Variants in LUZP2 observed in about 807,000 individuals in gnomAD.
The protein encoded by LUZP2 is leucine zipper protein 2.
Under a neutral mutation model 51.6 loss-of-function variants are expected in LUZP2, and 52 were observed. The observed-to-expected ratio is 1.01, with a 90% confidence interval of 0.81 to 1.27. The LOEUF (loss-of-function observed/expected upper bound fraction) is 1.27, where lower values mean the gene tolerates loss of function less well. Among genes scored for constraint, LUZP2 ranks in the 50% most tolerant of loss-of-function variants. The pLI, the probability that LUZP2 is intolerant of heterozygous loss-of-function variation, is 0.00. For synonymous variants in LUZP2, 154 were observed against 137.3 expected (o/e 1.12, Z -0.85); for missense variants, 436 against 395.4 (o/e 1.10, Z -0.87).
intron 5 of LUZP2, among the ~76,000 whole-genome samples, chr11:24,894,661 G>A (rs548786122): frequency 4.5e-4 from 64 of 143,740 alleles, no homozygotes; most frequent in African/African-American, 7.8e-4. Flanking sequence ...ATGTCTATGA[G>A]TATTCAATGT....
chr11:24,649,717 G>C (rs1344981397), intron 1 of LUZP2, among the ~76,000 whole-genome samples: 1 of 151,722 alleles, frequency 6.6e-6, no homozygotes, highest in African/African-American at 2.4e-5. Flanking sequence ...CCAGGTGGTG[G>C]GACTGCAATT....
intron 7 of LUZP2, among the ~76,000 whole-genome samples, chr11:24,968,724 T>C (rs1315187439): frequency 6.6e-6 from 1 of 152,332 alleles, no homozygotes; most frequent in East Asian, 1.9e-4. Context: ...CTGTCCCGCA[T>C]ATTGTAGCCA....
intron 1 of LUZP2, among the ~76,000 whole-genome samples, chr11:24,678,074 AAGGG>A (rs1256729879): frequency 4.9e-5 from 3 of 61,850 alleles, no homozygotes; most frequent in African/African-American, 2.1e-4. Flanking sequence ...GGAAAGGAGA[AAGGG>A]GGGGGGGGGT....
At chr11:24,879,950 C>T (rs2134289928) in intron 5 of LUZP2, among the ~76,000 whole-genome samples, 1 of 152,304 alleles carries the variant, frequency 6.6e-6, no homozygotes, top group African/African-American at 2.4e-5. Context: ...ACTTTCACAG[C>T]TACCCCAGCT....
chr11:24,878,466 A>G (rs950524912), intron 5 of LUZP2, among the ~76,000 whole-genome samples: 1 of 151,972 alleles, frequency 6.6e-6, no homozygotes, highest in African/African-American at 2.4e-5. Context: ...TGCTGCTTTT[A>G]GGATCCTTTT....
At chr11:24,849,363 G>A (rs998779073) in intron 5 of LUZP2, among the ~76,000 whole-genome samples, 33 of 152,048 alleles carry the variant, frequency 2.2e-4, no homozygotes, top group Non-Finnish European at 1.0e-4. Flanking sequence ...TCTCATTTAT[G>A]AGTGAAAACA....
At chr11:25,076,845 G>A (rs1228761212) in intron 10 of LUZP2, among the ~76,000 whole-genome samples, 2 of 151,312 alleles carry the variant, frequency 1.3e-5, no homozygotes, top group Non-Finnish European at 2.9e-5. Context: ...AAAATGACTG[G>A]GATCTTAGTT....
intron 1 of LUZP2, among the ~76,000 whole-genome samples, chr11:24,522,132 T>C (rs1214395951): frequency 6.6e-6 from 1 of 152,152 alleles, no homozygotes. Context: ...TAAAGTGCTA[T>C]GGTAGAAAGA....
intron 5 of LUZP2, among the ~76,000 whole-genome samples, chr11:24,800,228 C>A (rs1018183241): frequency 6.6e-6 from 1 of 151,986 alleles, no homozygotes; most frequent in African/African-American, 2.4e-5. Context: ...AACGGATAAG[C>A]TTTTTCTCTT....
At chr11:25,015,203 T>A (rs974388309) in intron 9 of LUZP2, among the ~76,000 whole-genome samples, 1 of 152,118 alleles carries the variant, frequency 6.6e-6, no homozygotes, top group African/African-American at 2.4e-5. Context: ...GAAAGAAACA[T>A]TATTATCCTG....
chr11:24,700,317 G>A (rs546403897), intron 1 of LUZP2, among the ~76,000 whole-genome samples: 1 of 152,184 alleles, frequency 6.6e-6, no homozygotes, highest in African/African-American at 2.4e-5. Context: ...ACCTGCCTTA[G>A]CCTCCCAAAG....
At chr11:24,532,260 T>G (rs1007797220) in intron 1 of LUZP2, among the ~76,000 whole-genome samples, 2 of 148,744 alleles carry the variant, frequency 1.3e-5, no homozygotes, top group South Asian at 4.2e-4. Context: ...CAATTACAAA[T>G]TTAAAAAAAT....
chr11:24,987,115 G>T (rs1856210176), intron 9 of LUZP2, among the ~76,000 whole-genome samples: 1 of 151,810 alleles, frequency 6.6e-6, no homozygotes. Flanking sequence ...TAAAACATTA[G>T]CATATGTTGT....
At chr11:24,561,031 G>T (rs1461996936) in intron 1 of LUZP2, among the ~76,000 whole-genome samples, 1 of 152,078 alleles carries the variant, frequency 6.6e-6, no homozygotes, top group East Asian at 1.9e-4. Flanking sequence ...AAAATAAACT[G>T]CACAGCTCTA....
chr11:24,607,340 T>A (rs1355981749), intron 1 of LUZP2, among the ~76,000 whole-genome samples: 1 of 117,438 alleles, frequency 8.5e-6, no homozygotes, highest in Non-Finnish European at 1.7e-5. Context: ...GGATATTATG[T>A]CTTTTTTTTT....
intron 9 of LUZP2, among the ~76,000 whole-genome samples, chr11:25,006,353 C>A (rs1856834181): frequency 6.6e-6 from 1 of 152,118 alleles, no homozygotes; most frequent in South Asian, 2.1e-4. Context: ...GCTTGGGCGA[C>A]ATGACTTTGA....
At chr11:24,755,812 A>ATGT (rs1859752349) in intron 4 of LUZP2, among the ~76,000 whole-genome samples, 1 of 152,200 alleles carries the variant, frequency 6.6e-6, no homozygotes, top group East Asian at 1.9e-4. Context: ...CGCATGACAA[A>ATGT]TAAAGAAGGA....
intron 9 of LUZP2, among the ~76,000 whole-genome samples, chr11:25,047,242 G>A (rs1345294101): frequency 1.3e-5 from 2 of 151,958 alleles, no homozygotes; most frequent in African/African-American, 4.8e-5. Flanking sequence ...GCAAGTTTGT[G>A]GTTATGGGAA....
rs1859476314 is a variant in LUZP2, at chr11:25,082,274, G to A, written c.*3616G>A. 6.6e-6 allele frequency: 1 copy of A among 152,560 alleles called. No individual in the cohort carries two copies. The highest frequency in any genetic ancestry group is 2.1e-4 in the South Asian group (1 of 4,824). The allele number at this position is 152,560 out of a possible 1,614,324, so 9.5% of individuals were successfully genotyped here. A position where few individuals can be genotyped will look rare whatever the true frequency, so the allele number is the denominator to read the frequency against. ...CAAGTCTAAGACAGTTATATGTAAA[G>A]AAAATGTATTATTTTAGATGAACAA... On this transcript the variant is annotated 3_prime_UTR_variant, in exon 12 of 12. Transcript: ENST00000336930.
Sources: gnomAD v4.1 joint callset for allele counts (sites outside exome capture counted in the v4.1 genomes callset) on GRCh38, gnomAD v4.1.1 for gene constraint, MANE v1.5 for transcripts, NCBI Gene and HGNC (gene_info 2026-07-23, HGNC 2026-07-21) for gene names.